PCNX1: variants seen among roughly 807,000 people sequenced by gnomAD.
PCNX1 encodes the protein pecanex 1.
Under a neutral mutation model 242.2 loss-of-function variants are expected in PCNX1, and 78 were observed. The observed-to-expected ratio is 0.32, with a 90% CI of 0.27 to 0.39. PCNX1 has a LOEUF of 0.39. PCNX1 is among the 10% of genes least tolerant of loss of function. The probability of loss-of-function intolerance (pLI) is 1.00; values close to 1 mark genes in which losing one functional copy is unlikely to be tolerated. For missense variants in PCNX1, 2,581 were observed against 2,856.5 expected, an observed-to-expected ratio of 0.90 and a Z score of 2.20; for synonymous variants, 1,024 against 1,032.9, an observed-to-expected ratio of 0.99 and a Z score of 0.17.
In PCNX1 at chr14:71,102,023, C is replaced by T; in HGVS notation, c.5623C>T (p.Pro1875Ser). Reference protein sequence around the residue: ...HFTSPDEYDDPTVLYEAIVSH... With the variant: ...HFTSPDEYDDSTVLYEAIVSH... The stretch of plus-strand genomic sequence containing the variant: ...TACTTCTCCAGATGAATATGATGAC[C>T]CTACTGTGCTCTATGAAGCCATAGT... Residue 1875 changes from proline (P) to serine (S), a missense_variant, in exon 31 of 36, where the codon CCT (proline) becomes TCT (serine). Pro to Ser is a moderately conservative substitution (Grantham distance 74, BLOSUM62 -1). Coordinates refer to ENST00000304743, the MANE Select transcript of PCNX1 (RefSeq NM_014982.3). 6.2e-7 allele frequency: 1 copy of T among 1,610,284 alleles called. No homozygotes were observed. Among genetic ancestry groups the T allele is most frequent in the Non-Finnish European group, 8.5e-7 (1 of 1,177,174 alleles).
At chr14:71,037,744 A>G (rs1170111712) in intron 19 of PCNX1, among the ~76,000 whole-genome samples, 2 of 151,808 alleles carry the variant, frequency 1.3e-5, no homozygotes, top group Non-Finnish European at 2.9e-5. Flanking sequence ...ATATGGAACC[A>G]AAAAAGAGCC....
chr14:70,996,139 A>G (rs1021188126), intron 8 of PCNX1, among the ~76,000 whole-genome samples: 1 of 151,850 alleles, frequency 6.6e-6, no homozygotes, highest in African/African-American at 2.4e-5. Flanking sequence ...TCTTTTGGTC[A>G]TGTCCATTTT....
At chr14:70,919,760 T>A (rs1445111627) in intron 1 of PCNX1, among the ~76,000 whole-genome samples, 1 of 118,448 alleles carries the variant, frequency 8.4e-6, no homozygotes, top group Non-Finnish European at 1.6e-5. Flanking sequence ...TTTGGTAGAA[T>A]TGTAAAACAG....
chr14:71,064,717 C>T (rs1206515507), intron 26 of PCNX1, among the ~76,000 whole-genome samples: 2 of 152,108 alleles, frequency 1.3e-5, no homozygotes, highest in South Asian at 2.1e-4. Flanking sequence ...TTGCTGCACC[C>T]GTTAACTAGT....
intron 29 of PCNX1, among the ~76,000 whole-genome samples, chr14:71,088,772 G>T (rs1476669274): frequency 2.0e-5 from 3 of 151,958 alleles, no homozygotes; most frequent in Non-Finnish European, 4.4e-5. Context: ...TGCAGTCTTT[G>T]TCCAGGGTAT....
chr14:71,049,041 G>A (rs370903125), intron 22 of PCNX1: 3 of 952,370 alleles, frequency 3.2e-6, no homozygotes, highest in South Asian at 9.7e-5. Flanking sequence ...TCAGAGAATT[G>A]TATAAAGAAG....
intron 19 of PCNX1, among the ~76,000 whole-genome samples, chr14:71,041,805 A>G (rs1020335701): frequency 6.6e-6 from 1 of 151,840 alleles, no homozygotes; most frequent in Non-Finnish European, 1.5e-5. Flanking sequence ...ATACTATACT[A>G]TACTATACTA....
At chr14:71,043,269 T>A (rs2060763846) in intron 19 of PCNX1, among the ~76,000 whole-genome samples, 1 of 152,172 alleles carries the variant, frequency 6.6e-6, no homozygotes, top group South Asian at 2.1e-4. Flanking sequence ...GACTATAATG[T>A]GCCTTGGAAA....
At chr14:71,025,361 A>G (rs967084257) in intron 13 of PCNX1, among the ~76,000 whole-genome samples, 13 of 152,094 alleles carry the variant, frequency 8.5e-5, no homozygotes, top group African/African-American at 1.7e-4. Context: ...TGTCACAACA[A>G]TATGTTCCAG....
intron 32 of PCNX1, among the ~76,000 whole-genome samples, chr14:71,103,889 T>A (rs929883269): frequency 6.6e-6 from 1 of 152,244 alleles, no homozygotes; most frequent in African/African-American, 2.4e-5. Flanking sequence ...CATTGCTCCA[T>A]TACTTGGTAG....
At position 70,977,073 on chromosome 14, in the gene PCNX1, A is replaced by AACC. The variant is rs777486740; in HGVS notation, c.747_749dup (p.His250dup). 1.4e-4 allele frequency: 230 copies of AACC among 1,614,156 alleles called. No individual in the cohort carries two copies. The highest frequency in any genetic ancestry group is 3.7e-5 in the Non-Finnish European group (44 of 1,179,990). On this transcript the variant is annotated inframe_insertion, in exon 6 of 36. Coordinates refer to ENST00000304743, the MANE Select transcript of PCNX1 (RefSeq NM_014982.3). ...TGACAAAGTGAACCTGCCAAGTCAT[A>AACC]ACCACCACCACCATGTTGATCAGTC...
chr14:71,101,089 A>G (rs1005712766), intron 30 of PCNX1, among the ~76,000 whole-genome samples: 1 of 152,222 alleles, frequency 6.6e-6, no homozygotes. Flanking sequence ...CCTTAAGGAT[A>G]TTCCTTCTTA....
At chr14:70,971,847 A>G (rs1382221942) in intron 5 of PCNX1, among the ~76,000 whole-genome samples, 4 of 152,188 alleles carry the variant, frequency 2.6e-5, no homozygotes, top group Non-Finnish European at 5.9e-5. Flanking sequence ...GGTTTGAGAA[A>G]TATTGTGGCT....
At chr14:71,032,290 C>T (rs1358106432) in intron 16 of PCNX1, among the ~76,000 whole-genome samples, 1 of 152,150 alleles carries the variant, frequency 6.6e-6, no homozygotes, top group African/African-American at 2.4e-5. Flanking sequence ...ATTTATCTCC[C>T]TTTCATTCTC....
At chr14:71,011,665 T>C (rs1595234142) in intron 10 of PCNX1, 116 bp downstream of exon 10, 5 of 664,790 alleles carry the variant, frequency 7.5e-6, no homozygotes, top group African/African-American at 1.8e-5. Context: ...AAAAATTTTT[T>C]GAAAACTATG....
At chr14:71,033,776 T>C (rs573770742) in intron 17 of PCNX1, among the ~76,000 whole-genome samples, 155 bp from the exon 18 acceptor site, 1 of 152,308 alleles carries the variant, frequency 6.6e-6, no homozygotes, top group South Asian at 2.1e-4. Flanking sequence ...ACTGTATGCT[T>C]ATTTATGGTA....
intron 9 of PCNX1, 58 bp downstream of exon 9, chr14:71,009,782 G>T: frequency 9.6e-7 from 1 of 1,046,480 alleles, no homozygotes; most frequent in Non-Finnish European, 1.4e-6. Flanking sequence ...CATATTTAAT[G>T]TTTTTAAGCC....
intron 19 of PCNX1, among the ~76,000 whole-genome samples, chr14:71,043,189 G>A (rs2060760008): frequency 6.6e-6 from 1 of 152,026 alleles, no homozygotes; most frequent in Admixed American, 6.6e-5. Flanking sequence ...GGGTTTCCTT[G>A]TATGTAACTT....
intron 19 of PCNX1, among the ~76,000 whole-genome samples, chr14:71,037,569 C>T (rs1299327874): frequency 6.7e-6 from 1 of 150,222 alleles, no homozygotes; most frequent in Non-Finnish European, 1.5e-5. Flanking sequence ...GTCTTTGGCT[C>T]TGTTTATATG....
Sources: gnomAD v4.1 joint callset for allele counts (sites outside exome capture counted in the v4.1 genomes callset) on GRCh38, gnomAD v4.1.1 for gene constraint, MANE v1.5 for transcripts, NCBI Gene and HGNC (gene_info 2026-07-23, HGNC 2026-07-21) for gene names.